Variants in MYO16 observed in about 807,000 individuals in gnomAD.
The protein encoded by MYO16 is unconventional myosin-XVI.
MYO16 carries 94 observed loss-of-function variants against 205.3 expected under a neutral mutation model. The observed-to-expected ratio is 0.46, with a 90% CI of 0.39 to 0.54. The LOEUF is 0.54. Among genes scored for constraint, MYO16 ranks in the 20% least tolerant of loss-of-function variants. The pLI is 0.00. For missense variants in MYO16, 2,315 were observed against 2,387.5 expected, an observed-to-expected ratio of 0.97 and a Z score of 0.63; for synonymous variants, 988 against 954.0, an observed-to-expected ratio of 1.04 and a Z score of -0.66.
chr13:109,105,365 G>T (rs1889094025), intron 28 of MYO16, among the ~76,000 whole-genome samples: 1 of 152,170 alleles, frequency 6.6e-6, no homozygotes, highest in Non-Finnish European at 1.5e-5. Flanking sequence ...CCAGCTACTT[G>T]GTAGGCTGAG....
chr13:109,035,398 T>C (rs536755841), intron 23 of MYO16, among the ~76,000 whole-genome samples: 1 of 152,296 alleles, frequency 6.6e-6, no homozygotes, highest in East Asian at 1.9e-4. Context: ...TAAAATGCAC[T>C]GTAGGCCGGG....
intron 10 of MYO16, among the ~76,000 whole-genome samples, chr13:108,847,698 G>A (rs1468967199): frequency 2.0e-5 from 3 of 151,214 alleles, no homozygotes; most frequent in East Asian, 3.9e-4. Flanking sequence ...TTTAATTTCC[G>A]AGAACCACTA....
intron 9 of MYO16, among the ~76,000 whole-genome samples, chr13:108,827,274 C>T (rs915678468): frequency 2.6e-5 from 4 of 151,922 alleles, no homozygotes; most frequent in African/African-American, 9.7e-5. Flanking sequence ...ATATATTTTG[C>T]TACAATTGCA....
chr13:108,498,319 A>AT, the MYO16 span, among the ~76,000 whole-genome samples: 10 of 151,732 alleles, frequency 6.6e-5, no homozygotes, highest in Non-Finnish European at 1.0e-4. Flanking sequence ...GACTTAGGTA[A>AT]TTTTTTTTTC....
At chr13:108,897,270 T>C (rs1302260749) in intron 14 of MYO16, among the ~76,000 whole-genome samples, 8 of 152,160 alleles carry the variant, frequency 5.3e-5, no homozygotes, top group Non-Finnish European at 1.0e-4. Context: ...GCAGAGTCAA[T>C]TGATGAAGAA....
At chr13:108,680,509 T>G (rs1344994205) in intron 2 of MYO16, among the ~76,000 whole-genome samples, 1 of 152,182 alleles carries the variant, frequency 6.6e-6, no homozygotes. Flanking sequence ...ATGCAGGCTT[T>G]GCATAGAGTT....
rs536124065 is a variant in MYO16, at chr13:108,994,547, A to C, written c.2442+2099A>C. Among the ~76,000 whole-genome samples, 37 of 152,264 alleles carry C rather than the reference A, an allele frequency of 2.4e-4. 1 individual carries two copies. The highest frequency in any genetic ancestry group is 8.2e-4 in the African/African-American group (34 of 41,550). On this transcript the variant is annotated intron_variant, in intron 21 of 34. Transcript: ENST00000457511. ...ATACATTTTAGATTTCTGTGTTGCT[A>C]ACAGAAGCTGGACTTTTTGTCTTTT...
At chr13:109,085,528 T>G (rs993183265) in intron 27 of MYO16, among the ~76,000 whole-genome samples, 6 of 152,174 alleles carry the variant, frequency 3.9e-5, no homozygotes, top group African/African-American at 1.4e-4. Context: ...TCTTGAGGTC[T>G]CCTTGGGAGA....
chr13:109,125,905 A>C lies in MYO16; in HGVS notation c.3782+547A>C, dbSNP rs758465175. ...AGCTTTGTATTTAAAAGTTCACTTT[A>C]GAGGCTTAGCTTAAAACAGAAATGT... On this transcript the variant is annotated intron_variant, in intron 30 of 34. Coordinates refer to ENST00000457511, the MANE Select transcript of MYO16 (RefSeq NM_001198950.3). The surrounding 1 kb of genome is among the most constrained non-coding windows in gnomAD (Gnocchi z 4.0). Among the ~76,000 whole-genome samples, 4 of 152,230 alleles carry C rather than the reference A, an allele frequency of 2.6e-5. No homozygotes were observed. The highest frequency in any genetic ancestry group is 6.5e-5 in the Admixed American group (1 of 15,286).
rs181840378 is a variant in MYO16, at chr13:109,093,710, C to A, written c.3336-7075C>A. Among the ~76,000 whole-genome samples the A allele has an allele frequency of 4.9e-4, 74 of 152,202 alleles. 2 individuals are homozygous for A. In the East Asian group the frequency reaches 0.014, roughly 29 times the overall value. ...CACCAGAAAATCCGGCTGGGCCTAC[C>A]CAAATATGTAGAGAGCCCAGCACGT... On this transcript the variant is annotated intron_variant, in intron 27 of 34. Transcript: ENST00000457511.
chr13:108,958,661 A>G (rs1883471519), intron 17 of MYO16, among the ~76,000 whole-genome samples: 1 of 152,186 alleles, frequency 6.6e-6, no homozygotes, highest in African/African-American at 2.4e-5. Flanking sequence ...TATTTTAATT[A>G]ATGTAAATTG....
intron 6 of MYO16, among the ~76,000 whole-genome samples, chr13:108,801,246 T>C (rs1412436939): frequency 2.6e-5 from 4 of 152,312 alleles, no homozygotes; most frequent in South Asian, 4.1e-4. Context: ...AGGACCACTG[T>C]TGGGAATTAA....
At chr13:109,014,883 A>G (rs1885747280) in intron 22 of MYO16, among the ~76,000 whole-genome samples, 1 of 152,166 alleles carries the variant, frequency 6.6e-6, no homozygotes, top group East Asian at 1.9e-4. Context: ...TGGGGTTTTC[A>G]AATATACAAT....
At chr13:108,775,598 G>A (rs551542903) in intron 4 of MYO16, among the ~76,000 whole-genome samples, 1 of 151,232 alleles carries the variant, frequency 6.6e-6, no homozygotes, top group South Asian at 2.1e-4. Flanking sequence ...CCTTTGATAT[G>A]CTGAAAACTA....
chr13:108,542,127 A>C, the MYO16 span, among the ~76,000 whole-genome samples: 1 of 152,340 alleles, frequency 6.6e-6, no homozygotes, highest in South Asian at 2.1e-4. Context: ...ACCATGGAAT[A>C]CTATATAGCC....
At chr13:108,850,607 A>G (rs1333512371) in intron 10 of MYO16, among the ~76,000 whole-genome samples, 2 of 152,170 alleles carry the variant, frequency 1.3e-5, no homozygotes, top group Non-Finnish European at 2.9e-5. Flanking sequence ...TCAGCCTACA[A>G]CTGCAACATA....
intron 4 of MYO16, among the ~76,000 whole-genome samples, chr13:108,747,233 A>G (rs190965985): frequency 7.9e-5 from 12 of 152,368 alleles, no homozygotes; most frequent in Admixed American, 7.2e-4. Flanking sequence ...AATAGAGAAC[A>G]TTGAAGAAGA....
At chr13:108,984,596 C>G (rs1884563506) in intron 20 of MYO16, among the ~76,000 whole-genome samples, 1 of 152,152 alleles carries the variant, frequency 6.6e-6, no homozygotes, top group African/African-American at 2.4e-5. Flanking sequence ...CTGCTGGGGT[C>G]CCAACTTTGT....
chr13:108,785,201 A>G (rs1010028712), intron 4 of MYO16, among the ~76,000 whole-genome samples: 2 of 152,200 alleles, frequency 1.3e-5, no homozygotes, highest in Non-Finnish European at 2.9e-5. Context: ...AGGAGGTTAA[A>G]GATTTGATAG....
Sources: gnomAD v4.1 joint callset for allele counts (sites outside exome capture counted in the v4.1 genomes callset) on GRCh38, gnomAD v4.1.1 for gene constraint, Gnocchi (gnomAD v3.1) non-coding constraint, MANE v1.5 for transcripts, NCBI Gene and HGNC (gene_info 2026-07-23, HGNC 2026-07-21) for gene names.